The following AP3M2 variants were observed in gnomAD, a reference collection of about 807,000 sequenced individuals.
The protein encoded by AP3M2 is adaptor related protein complex 3 subunit mu 2, also known as AP-3 complex subunit mu-2.
AP3M2 carries 28 observed loss-of-function variants against 41.6 expected under a neutral mutation model. That is an observed-to-expected ratio of 0.67 (90% CI 0.50 to 0.92). AP3M2 has a LOEUF of 0.92. AP3M2 is among the 40% of genes least tolerant of loss of function. AP3M2 has a pLI of 0.00. For synonymous variants in AP3M2, 193 were observed against 186.4 expected (o/e 1.04, Z -0.29); for missense variants, 427 against 521.4 (o/e 0.82, Z 1.76).
chr8:42,165,835 T>A, intron 6 of AP3M2: 1 of 334,628 alleles, frequency 3.0e-6, no homozygotes. Context: ...AAGTTTGCTG[T>A]TATTTTTGTT....
At chr8:42,161,331 G>A (rs530594200) in intron 3 of AP3M2, among the ~76,000 whole-genome samples, 1 of 151,988 alleles carries the variant, frequency 6.6e-6, no homozygotes, top group South Asian at 2.1e-4. Context: ...AATTTTTTAG[G>A]TGGGCATGGT....
chr8:42,169,095 T>G lies in AP3M2; in HGVS notation c.*34T>G. Reference sequence around the variant, plus strand: ...TTTGCTGAGGGAATAGTCTTGCACATTTTTTCATTTCTTACTTGTCTAAAA... The same window carrying G: ...TTTGCTGAGGGAATAGTCTTGCACAGTTTTTCATTTCTTACTTGTCTAAAA... On this transcript the variant is annotated 3_prime_UTR_variant, in exon 9 of 9. Coordinates refer to ENST00000396926, the MANE Select transcript of AP3M2 (RefSeq NM_006803.4). The G allele has an allele frequency of 6.5e-7, 1 of 1,533,986 alleles. No homozygotes were observed. The highest frequency in any genetic ancestry group is 1.2e-5 in the South Asian group (1 of 86,004).
At chr8:42,158,182 C>T in intron 3 of AP3M2, 70 bp downstream of exon 3, 5 of 1,500,532 alleles carry the variant, frequency 3.3e-6, no homozygotes, top group Non-Finnish European at 4.6e-6. Flanking sequence ...GAGTGTCGCA[C>T]ATTGTTTTGA....
At position 42,155,077 on chromosome 8, in the gene AP3M2, TACTC is replaced by T. The variant is rs1247206532; in HGVS notation, c.273+121_273+124del. On this transcript the variant is annotated intron_variant, in intron 2 of 8. Coordinates refer to ENST00000396926, the MANE Select transcript of AP3M2 (RefSeq NM_006803.4). ...AAAAAAAAAATCAAAACTCTGGTAT[TACTC>T]ACTTCCTCTCCCATCTGATAAGATT... The T allele has an allele frequency of 1.1e-5, 9 of 838,080 alleles. No homozygotes were observed. In the East Asian group the frequency reaches 1.7e-4, roughly 16 times the overall value. The allele number at this position is 838,080 out of a possible 1,614,324, so 51.9% of individuals were successfully genotyped here. A position where few individuals can be genotyped will look rare whatever the true frequency, so the allele number is the denominator to read the frequency against.
At position 42,169,106 on chromosome 8, in the gene AP3M2, C is replaced by G; in HGVS notation, c.*45C>G. The G allele has an allele frequency of 6.7e-7, 1 of 1,500,776 alleles. No individual in the cohort carries two copies. Among genetic ancestry groups the G allele is most frequent in the Non-Finnish European group, 9.2e-7 (1 of 1,091,702 alleles). 93.0% of individuals were successfully genotyped at this position (1,500,776 alleles called of 1,614,324 possible). On this transcript the variant is annotated 3_prime_UTR_variant, in exon 9 of 9. Coordinates refer to ENST00000396926, the MANE Select transcript of AP3M2 (RefSeq NM_006803.4). ...AATAGTCTTGCACATTTTTTCATTT[C>G]TTACTTGTCTAAAAGTAAAAAAAAA... is the stretch of plus-strand genomic sequence containing the variant.
At chr8:42,165,863 G>T in intron 6 of AP3M2, 1 of 250,010 alleles carries the variant, frequency 4.0e-6, no homozygotes, top group Non-Finnish European at 7.6e-6. Context: ...GTCTAAACAA[G>T]AACATTATTT....
chr8:42,154,994 C>T, intron 2 of AP3M2, 34 bp downstream of exon 2: 1 of 1,560,614 alleles, frequency 6.4e-7, no homozygotes, highest in Non-Finnish European at 8.8e-7. Flanking sequence ...TATATGTAAA[C>T]CGTAAAGTGT....
chr8:42,169,168 C>T lies in AP3M2; in HGVS notation c.*107C>T. ...CTCCTAGGTCAGTCCCCTCCTGGACCCACCCGCTCCCTTTTTTCCTTAGCC... is the reference window on the plus strand; with the variant it reads ...CTCCTAGGTCAGTCCCCTCCTGGACTCACCCGCTCCCTTTTTTCCTTAGCC... On this transcript the variant is annotated 3_prime_UTR_variant, in exon 9 of 9. Coordinates refer to ENST00000396926, the MANE Select transcript of AP3M2 (RefSeq NM_006803.4). 1.3e-6 allele frequency: 1 copy of T among 799,950 alleles called. No individual in the cohort carries two copies. The allele number at this position is 799,950 out of a possible 1,614,324, so 49.6% of individuals were successfully genotyped here.
At chr8:42,154,071 TATTTG>T (rs956418254) in intron 1 of AP3M2, 4 of 152,138 alleles carry the variant, frequency 2.6e-5, no homozygotes, top group African/African-American at 9.7e-5. Flanking sequence ...ATTGGTAAGA[TATTTG>T]AAATTTTTTT....
rs541311195 is a variant in AP3M2, at chr8:42,158,134, A to C, written c.445+22A>C. The stretch of plus-strand genomic sequence containing the variant: ...ACAGGTACGGCAGAGGGGGAAACTG[A>C]TAGATAGTGGCCATCCTACAGCCTG... On this transcript the variant is annotated intron_variant, in intron 3 of 8. Coordinates refer to ENST00000396926, the MANE Select transcript of AP3M2 (RefSeq NM_006803.4). The C allele has an allele frequency of 4.5e-5, 72 of 1,604,898 alleles. No homozygotes were observed. In the South Asian group the frequency reaches 7.2e-4, roughly 16 times the overall value.
rs1241447436 is a variant in AP3M2, at chr8:42,153,070, C to CCTAGGAGCAGTGGGCG, written c.-105_-90dup. The CCTAGGAGCAGTGGGCG allele has an allele frequency of 2.0e-5, 3 of 152,040 alleles. No individual in the cohort carries two copies. Among genetic ancestry groups the CCTAGGAGCAGTGGGCG allele is most frequent in the Non-Finnish European group, 2.9e-5 (2 of 68,126 alleles). The allele number at this position is 152,040 out of a possible 1,614,324, so 9.4% of individuals were successfully genotyped here. Reference sequence around the variant, plus strand: ...GCGGGCGGGGCGGGGCCTGTCCGCGCCTAGGAGCAGTGGGCGCTGAGAGCA... The same window carrying CCTAGGAGCAGTGGGCG: ...GCGGGCGGGGCGGGGCCTGTCCGCGCCTAGGAGCAGTGGGCGCTAGGAGCAGTGGGCGCTGAGAGCA... On this transcript the variant is annotated 5_prime_UTR_variant, in exon 1 of 9. Coordinates refer to ENST00000396926, the MANE Select transcript of AP3M2 (RefSeq NM_006803.4).
In AP3M2 at chr8:42,171,025, G is replaced by GC. The variant is rs1484170985; in HGVS notation, c.*1965dup. 2 of 152,374 alleles carry GC rather than the reference G, an allele frequency of 1.3e-5. No homozygotes were observed. The highest frequency in any genetic ancestry group is 4.8e-5 in the African/African-American group (2 of 41,586). The allele number at this position is 152,374 out of a possible 1,614,324, so 9.4% of individuals were successfully genotyped here. A position where few individuals can be genotyped will look rare whatever the true frequency, so the allele number is the denominator to read the frequency against. ...AAATAACTGTCCTGTCACATGTGCA[G>GC]CAGGCCATGGAGTGTAGCGGGCATC... On this transcript the variant is annotated 3_prime_UTR_variant, in exon 9 of 9. Transcript: ENST00000396926.
At chr8:42,155,019 T>G in intron 2 of AP3M2, 59 bp downstream of exon 2, 5 of 1,419,340 alleles carry the variant, frequency 3.5e-6, no homozygotes, top group Non-Finnish European at 3.9e-6. Context: ...GTAGTCCTGT[T>G]TCCATTGTGT....
At chr8:42,161,779 A>G (rs1200794755) in intron 3 of AP3M2, among the ~76,000 whole-genome samples, 2 of 152,224 alleles carry the variant, frequency 1.3e-5, no homozygotes, top group East Asian at 1.9e-4. Flanking sequence ...ATTCTTAAAG[A>G]CAGGGAGAGA....
intron 4 of AP3M2, among the ~76,000 whole-genome samples, chr8:42,163,815 T>C (rs1178842556): frequency 6.6e-6 from 1 of 152,212 alleles, no homozygotes; most frequent in African/African-American, 2.4e-5. Flanking sequence ...TAAATGTATA[T>C]ATATTTAAAA....
intron 6 of AP3M2, 132 bp downstream of exon 6, chr8:42,165,692 G>A: frequency 1.4e-5 from 15 of 1,056,614 alleles, no homozygotes; most frequent in Middle Eastern, 2.4e-4. Context: ...TTACTAATTG[G>A]GTAACCTCAG....
intron 2 of AP3M2, among the ~76,000 whole-genome samples, chr8:42,156,449 G>T (rs751048349): frequency 6.6e-6 from 1 of 152,208 alleles, no homozygotes; most frequent in Non-Finnish European, 1.5e-5. Flanking sequence ...CCCCGCAATA[G>T]AATTGCAGGC....
At chr8:42,154,538 T>A (rs1308203015) in intron 1 of AP3M2, 78 bp from the exon 2 acceptor site, 3 of 1,134,518 alleles carry the variant, frequency 2.6e-6, no homozygotes, top group Middle Eastern at 3.0e-4. Flanking sequence ...GAAAGATGGG[T>A]AAGTCTTGGA....
At chr8:42,164,990 A>G in intron 4 of AP3M2, 81 bp from the exon 5 acceptor site, 3 of 1,201,938 alleles carry the variant, frequency 2.5e-6, no homozygotes, top group Non-Finnish European at 3.5e-6. Flanking sequence ...GAGGAAGAGA[A>G]GGAGGGAGGA....
Sources: gnomAD v4.1 joint callset for allele counts (sites outside exome capture counted in the v4.1 genomes callset) on GRCh38, gnomAD v4.1.1 for gene constraint, MANE v1.5 for transcripts, NCBI Gene and HGNC (gene_info 2026-07-23, HGNC 2026-07-21) for gene names.